The following EIPR1 variants were observed in gnomAD, a reference collection of about 807,000 sequenced individuals.
EIPR1 encodes EARP complex and GARP complex interacting protein 1, also known as EARP and GARP complex-interacting protein 1.
EIPR1 carries 25 observed loss-of-function variants against 48.1 expected under a neutral mutation model. The ratio of observed to expected loss-of-function variants is 0.52; its 90% CI spans 0.38 to 0.73. The LOEUF is 0.73. Ranked by LOEUF, EIPR1 falls within the 30% of genes least tolerant of loss-of-function variation. The pLI is 0.00. For synonymous variants in EIPR1, 204 were observed against 201.9 expected, an observed-to-expected ratio of 1.01 and a Z score of -0.09; for missense variants, 415 against 506.2, an observed-to-expected ratio of 0.82 and a Z score of 1.73.
chr2:3,369,800 G>A (rs559710984), intron 1 of EIPR1, among the ~76,000 whole-genome samples: 2 of 152,310 alleles, frequency 1.3e-5, no homozygotes, highest in East Asian at 3.9e-4. Flanking sequence ...CTCCACCTCT[G>A]GGGGCAGGGC....
chr2:3,341,449 C>T (rs1025378271), intron 2 of EIPR1, among the ~76,000 whole-genome samples: 2 of 151,858 alleles, frequency 1.3e-5, no homozygotes, highest in African/African-American at 4.8e-5. Context: ...CATGGGTACA[C>T]TATGCGTGTA....
intron 3 of EIPR1, among the ~76,000 whole-genome samples, chr2:3,307,299 TCCCAGCCCTCA>T (rs1473370250): frequency 6.6e-6 from 1 of 152,066 alleles, no homozygotes; most frequent in Non-Finnish European, 1.5e-5. Context: ...AGACAGCCCC[TCCCAGCCCTCA>T]CCCAGCAGCT....
chr2:3,227,806 C>T (rs1327619995), intron 4 of EIPR1, among the ~76,000 whole-genome samples: 1 of 152,226 alleles, frequency 6.6e-6, no homozygotes, highest in Non-Finnish European at 1.5e-5. Context: ...CTAAAAGGGG[C>T]CAAGGTATAG....
chr2:3,192,511 TGA>T lies in EIPR1; in HGVS notation c.890_891del (p.Val297AspfsTer21). On this transcript the variant is annotated frameshift_variant, in exon 8 of 9. Coordinates refer to ENST00000382125, the MANE Select transcript of EIPR1 (RefSeq NM_003310.5). LOFTEE classifies it high-confidence loss of function. The part of the protein sequence containing the change: ...LVLTGSSDSR[V>X]ILSNMVSISS... Reference sequence around the variant, plus strand: ...GAGATGGACACCATGTTGGAAAGGATGACTCTGCTGTCACTGCTGCCCGTGAG... The same window carrying T: ...GAGATGGACACCATGTTGGAAAGGATCTCTGCTGTCACTGCTGCCCGTGAG... 6.2e-7 allele frequency: 1 copy of T among 1,613,102 alleles called. No individual in the cohort carries two copies. Among genetic ancestry groups the T allele is most frequent in the South Asian group, 1.1e-5 (1 of 90,998 alleles).
chr2:3,370,935 G>A (rs1671099275), intron 1 of EIPR1, among the ~76,000 whole-genome samples: 2 of 152,136 alleles, frequency 1.3e-5, no homozygotes, highest in South Asian at 2.1e-4. Flanking sequence ...ACACATAATT[G>A]TCAGATTCAC....
At chr2:3,283,954 A>G (rs1183653850) in intron 3 of EIPR1, among the ~76,000 whole-genome samples, 1 of 150,508 alleles carries the variant, frequency 6.6e-6, no homozygotes, top group African/African-American at 2.4e-5. Flanking sequence ...TAAAAAAAAA[A>G]AAAAAAAAAA....
intron 3 of EIPR1, among the ~76,000 whole-genome samples, chr2:3,291,100 C>T (rs1489757954): frequency 2.6e-5 from 4 of 152,212 alleles, no homozygotes; most frequent in African/African-American, 7.2e-5. Context: ...GAGGAACATG[C>T]CTCAGATGCG....
chr2:3,251,614 C>T (rs758876520), intron 4 of EIPR1, among the ~76,000 whole-genome samples: 21 of 152,250 alleles, frequency 1.4e-4, no homozygotes, highest in South Asian at 2.1e-4. Context: ...CCATCTCTCC[C>T]ACAAGTCACT....
chr2:3,349,233 G>T (rs542139035), intron 2 of EIPR1, among the ~76,000 whole-genome samples: 1 of 152,338 alleles, frequency 6.6e-6, no homozygotes, highest in Admixed American at 6.5e-5. Context: ...TCCACACTGC[G>T]TGGGGCCACC....
chr2:3,265,718 G>A (rs1435157097), intron 3 of EIPR1, among the ~76,000 whole-genome samples: 1 of 152,206 alleles, frequency 6.6e-6, no homozygotes, highest in Admixed American at 6.5e-5. Flanking sequence ...AACTGTGTCT[G>A]TGCCGACAGA....
intron 4 of EIPR1, among the ~76,000 whole-genome samples, chr2:3,225,234 G>A (rs1666024851): frequency 6.7e-6 from 1 of 149,940 alleles, no homozygotes; most frequent in Admixed American, 6.6e-5. Flanking sequence ...GTGTGTGTGT[G>A]TGTGTGTGTG....
At chr2:3,206,437 G>C (rs952917673) in intron 5 of EIPR1, among the ~76,000 whole-genome samples, 4 of 152,224 alleles carry the variant, frequency 2.6e-5, no homozygotes, top group Non-Finnish European at 5.9e-5. Flanking sequence ...GCACAGAGCT[G>C]ACCCGCATGA....
chr2:3,337,453 G>A (rs1338019394), intron 3 of EIPR1, among the ~76,000 whole-genome samples: 1 of 152,196 alleles, frequency 6.6e-6, no homozygotes, highest in African/African-American at 2.4e-5. Flanking sequence ...AATTTAGAAA[G>A]TACTCATTGA....
chr2:3,376,988 G>A (rs1459244693), intron 1 of EIPR1, among the ~76,000 whole-genome samples: 2 of 152,140 alleles, frequency 1.3e-5, no homozygotes, highest in Admixed American at 6.5e-5. Context: ...GAACTACCAT[G>A]TGCATTGCTT....
chr2:3,377,495 G>C, intron 1 of EIPR1, 153 bp downstream of exon 1: 1 of 988,662 alleles, frequency 1.0e-6, no homozygotes, highest in Non-Finnish European at 1.5e-6. Flanking sequence ...ACCTCCTAAA[G>C]CCTCAGTTTA....
intron 3 of EIPR1, among the ~76,000 whole-genome samples, chr2:3,276,550 C>CACCCT (rs1667854573): frequency 1.3e-5 from 2 of 152,366 alleles, no homozygotes; most frequent in Middle Eastern, 3.4e-3. Context: ...CCACACAAAG[C>CACCCT]TGGGTGTCTT....
At chr2:3,247,685 C>T (rs774691746) in intron 4 of EIPR1, among the ~76,000 whole-genome samples, 20 of 152,288 alleles carry the variant, frequency 1.3e-4, no homozygotes, top group Non-Finnish European at 2.4e-4. Context: ...TCAATATGTA[C>T]ACTCTACATA....
chr2:3,322,430 A>G (rs1369480194), intron 3 of EIPR1, among the ~76,000 whole-genome samples: 1 of 152,260 alleles, frequency 6.6e-6, no homozygotes, highest in Non-Finnish European at 1.5e-5. Context: ...TAGAGCAGGA[A>G]ATAGAAAAGG....
intron 1 of EIPR1, among the ~76,000 whole-genome samples, chr2:3,359,460 A>C (rs947857465): frequency 6.6e-6 from 1 of 152,220 alleles, no homozygotes; most frequent in African/African-American, 2.4e-5. Flanking sequence ...AGACAGAGTG[A>C]AGAGGTTGCA....
Sources: allele counts gnomAD v4.1 joint callset (sites outside exome capture counted in the v4.1 genomes callset), GRCh38; gene constraint gnomAD v4.1.1; transcripts MANE v1.5; gene names NCBI Gene and HGNC (gene_info 2026-07-23, HGNC 2026-07-21).